The following DNAJC1 variants were observed in gnomAD, a reference collection of about 807,000 sequenced individuals.
DNAJC1 encodes the protein DnaJ heat shock protein family (Hsp40) member C1.
DNAJC1 carries 58 observed loss-of-function variants against 76.6 expected under a neutral mutation model. That is an observed-to-expected ratio of 0.76 (90% CI 0.61 to 0.94). The LOEUF (loss-of-function observed/expected upper bound fraction) is 0.94. Ranked by LOEUF, DNAJC1 falls within the 40% of genes least tolerant of loss-of-function variation. DNAJC1 has a pLI of 0.00. For synonymous variants in DNAJC1, 258 were observed against 267.9 expected (o/e 0.96, Z 0.36); for missense variants, 689 against 677.3 (o/e 1.02, Z -0.19).
At chr10:21,893,043 A>C (rs1022270204) in intron 7 of DNAJC1, among the ~76,000 whole-genome samples, 1 of 152,214 alleles carries the variant, frequency 6.6e-6, no homozygotes, top group Non-Finnish European at 1.5e-5. Flanking sequence ...CATTTATAGA[A>C]CACTCCAATT....
chr10:21,972,185 T>C lies in DNAJC1; in HGVS notation c.222+31028A>G, dbSNP rs375179281. Among the ~76,000 whole-genome samples the C allele has an allele frequency of 1.4e-4, 22 of 152,062 alleles. No individual in the cohort carries two copies. The South Asian group carries it at 3.5e-3, about 24-fold the overall frequency. ...CTCCAAATATTGTTATTAGATTCCA[T>C]AGGCATGCAATTACCATGTAAAATT... On this transcript the variant is annotated intron_variant, in intron 1 of 11. Coordinates refer to ENST00000376980, the MANE Select transcript of DNAJC1 (RefSeq NM_022365.4).
At chr10:21,918,576 C>T (rs1474644899) in intron 6 of DNAJC1, among the ~76,000 whole-genome samples, 1 of 151,168 alleles carries the variant, frequency 6.6e-6, no homozygotes, top group East Asian at 1.9e-4. Context: ...TGATCTAAAA[C>T]CATTATAAAA....
In DNAJC1 at chr10:21,756,761, G is replaced by C; in HGVS notation, c.1597-6C>G. On this transcript the variant is annotated splice_region_variant and splice_polypyrimidine_tract_variant and intron_variant, in intron 11 of 11. Coordinates refer to ENST00000376980, the MANE Select transcript of DNAJC1 (RefSeq NM_022365.4). The stretch of plus-strand genomic sequence containing the variant: ...TACCTAGCGATACAGTCTTCCTGTA[G>C]GAAGAAAAAAAGAGAGGTGAGAACA... 2 of 1,611,894 alleles carry C rather than the reference G, an allele frequency of 1.2e-6. No individual in the cohort carries two copies. The highest frequency in any genetic ancestry group is 1.7e-6 in the Non-Finnish European group (2 of 1,179,616).
Position 22,003,704 on chromosome 10 carries a change from C to G in DNAJC1, c.-270G>C, listed in dbSNP as rs928431410. 3 of 356,322 alleles carry G rather than the reference C, an allele frequency of 8.4e-6. No homozygotes were observed. The highest frequency in any genetic ancestry group is 4.3e-5 in the African/African-American group (2 of 46,974). The allele number at this position is 356,322 out of a possible 1,614,324, so 22.1% of individuals were successfully genotyped here. A position where few individuals can be genotyped will look rare whatever the true frequency, so the allele number is the denominator to read the frequency against. Reference sequence around the variant, plus strand: ...CCAGGCCTACACACAGCTGTAGAGGCAGCGCCCGGCGCCTGGGCTGCACAG... The same window carrying G: ...CCAGGCCTACACACAGCTGTAGAGGGAGCGCCCGGCGCCTGGGCTGCACAG... On this transcript the variant is annotated 5_prime_UTR_variant, in exon 1 of 12. Transcript: ENST00000376980.
chr10:21,882,969 C>T (rs1190491237), intron 7 of DNAJC1, among the ~76,000 whole-genome samples: 1 of 151,974 alleles, frequency 6.6e-6, no homozygotes, highest in Non-Finnish European at 1.5e-5. Flanking sequence ...CCATTTTAGG[C>T]CTAGGAGCAG....
chr10:21,962,321 A>G (rs1837808541), intron 1 of DNAJC1, among the ~76,000 whole-genome samples: 1 of 151,836 alleles, frequency 6.6e-6, no homozygotes, highest in African/African-American at 2.4e-5. Context: ...CAAAATTCCA[A>G]CATAAGACTT....
At chr10:21,920,467 C>T (rs1837023042) in intron 4 of DNAJC1, 1 of 176,720 alleles carries the variant, frequency 5.7e-6, no homozygotes, top group Non-Finnish European at 1.2e-5. Context: ...GCCTGTGACA[C>T]AAAAAAATCT....
intron 1 of DNAJC1, among the ~76,000 whole-genome samples, chr10:21,993,234 C>T (rs1838356163): frequency 1.3e-5 from 2 of 152,094 alleles, no homozygotes; most frequent in Non-Finnish European, 2.9e-5. Context: ...AATGCATACG[C>T]ACACACACCT....
chr10:21,928,634 C>T, intron 2 of DNAJC1, 82 bp from the exon 3 acceptor site: 1 of 1,106,060 alleles, frequency 9.0e-7, no homozygotes, highest in Non-Finnish European at 1.4e-6. Flanking sequence ...CTACAATACA[C>T]ATGCAGAAAA....
intron 7 of DNAJC1, among the ~76,000 whole-genome samples, chr10:21,890,220 C>G (rs1018911683): frequency 6.6e-5 from 10 of 151,900 alleles, no homozygotes; most frequent in Non-Finnish European, 1.0e-4. Flanking sequence ...CAAGACCAGC[C>G]TGGCCAACAT....
intron 1 of DNAJC1, among the ~76,000 whole-genome samples, chr10:21,992,350 G>A (rs184426518): frequency 6.6e-6 from 1 of 152,050 alleles, no homozygotes; most frequent in Admixed American, 6.5e-5. Flanking sequence ...ACTCCATGTT[G>A]GAATAATATT....
At chr10:21,861,221 C>A (rs2666769) in intron 8 of DNAJC1, among the ~76,000 whole-genome samples, 113,320 of 151,982 alleles carry the variant, frequency 0.75, 42,972 homozygotes, top group East Asian at 0.98. Context: ...TTCAAACAAG[C>A]CTGTGGTAAA....
intron 8 of DNAJC1, among the ~76,000 whole-genome samples, chr10:21,858,626 A>C (rs1399876735): frequency 6.6e-6 from 1 of 152,204 alleles, no homozygotes; most frequent in Non-Finnish European, 1.5e-5. Flanking sequence ...AAATCTGACA[A>C]GGGCACAGCC....
At chr10:21,992,220 A>C (rs1838336076) in intron 1 of DNAJC1, among the ~76,000 whole-genome samples, 1 of 152,226 alleles carries the variant, frequency 6.6e-6, no homozygotes, top group Admixed American at 6.5e-5. Flanking sequence ...CTGAGACAGG[A>C]GAATTGCTTG....
chr10:21,961,422 C>T (rs971538741), intron 1 of DNAJC1, among the ~76,000 whole-genome samples: 1 of 152,158 alleles, frequency 6.6e-6, no homozygotes, highest in Non-Finnish European at 1.5e-5. Context: ...ACACACACTA[C>T]AGCAAAGATG....
chr10:21,947,452 C>T (rs1157027833), intron 1 of DNAJC1, among the ~76,000 whole-genome samples: 1 of 152,096 alleles, frequency 6.6e-6, no homozygotes, highest in African/African-American at 2.4e-5. Context: ...TAAGAAGATG[C>T]AAAGATGAAG....
intron 9 of DNAJC1, among the ~76,000 whole-genome samples, chr10:21,797,976 T>C (rs925383972): frequency 2.6e-5 from 4 of 152,234 alleles, no homozygotes; most frequent in Admixed American, 2.6e-4. Context: ...GTTTTGTTTC[T>C]TCACATTTTA....
At chr10:21,967,990 ATCAG>A (rs1837919352) in intron 1 of DNAJC1, among the ~76,000 whole-genome samples, 1 of 152,234 alleles carries the variant, frequency 6.6e-6, no homozygotes, top group Non-Finnish European at 1.5e-5. Flanking sequence ...AAAATAATAG[ATCAG>A]TCACTTAGTC....
rs1834213838 is a variant in DNAJC1 at position 21,759,378 on chromosome 10, G to C, written c.1388C>G (p.Ser463Cys). 6.2e-7 allele frequency: 1 copy of C among 1,614,060 alleles called. No individual in the cohort carries two copies. Among genetic ancestry groups the C allele is most frequent in the African/African-American group, 1.3e-5 (1 of 74,928 alleles). The change falls in exon 11 of 12, where the codon TCC (serine) becomes TGC (cysteine). Residue 463 changes from serine (S) to cysteine (C), a missense_variant. By Grantham distance (112) the Ser-to-Cys change is moderately radical. Coordinates refer to ENST00000376980, the MANE Select transcript of DNAJC1 (RefSeq NM_022365.4). ...AAAGTCCTTCTGCCGCTTGGCTCTG[G>C]ACTTCTCCTCTGGCTCCGGCTTCGC... Reference protein sequence around the residue: ...ATAKPEPEEKSRAKRQKDFDI... With the variant: ...ATAKPEPEEKCRAKRQKDFDI...
Sources: allele counts gnomAD v4.1 joint callset (sites outside exome capture counted in the v4.1 genomes callset), GRCh38; gene constraint gnomAD v4.1.1; transcripts MANE v1.5; gene names NCBI Gene and HGNC (gene_info 2026-07-23, HGNC 2026-07-21).